LAMA2: variants seen among roughly 807,000 people sequenced by gnomAD.
LAMA2 encodes the protein laminin subunit alpha-2.
LAMA2 carries 269 observed loss-of-function variants against 364.8 expected under a neutral mutation model. That is an observed-to-expected ratio of 0.74 (90% CI 0.67 to 0.82). The LOEUF (loss-of-function observed/expected upper bound fraction) is 0.82, where lower values mean the gene tolerates loss of function less well. LAMA2 is among the 40% of genes least tolerant of loss of function. The pLI, the probability that LAMA2 is intolerant of heterozygous loss-of-function variation, is 0.00. For missense variants in LAMA2, 3,807 were observed against 3,873.2 expected (o/e 0.98, Z 0.45); for synonymous variants, 1,379 against 1,370.6 (o/e 1.01, Z -0.14).
At position 129,474,945 on chromosome 6, in the gene LAMA2, T is replaced by C. The variant is rs922461217; in HGVS notation, c.7440-445T>C. ...ACCAAACATTCATAGTTACCTGTTA[T>C]TTTGCCTGCAGACAGGTTCTCAGTA... On this transcript the variant is annotated intron_variant, in intron 52 of 64. Transcript: ENST00000421865. 3.3e-5 allele frequency among the ~76,000 whole-genome samples: 5 copies of C among 152,282 alleles called. No homozygotes were observed. The South Asian group carries it at 8.3e-4, about 25-fold the overall frequency.
At chr6:128,919,680 C>T (rs529925701) in intron 1 of LAMA2, among the ~76,000 whole-genome samples, 1 of 152,276 alleles carries the variant, frequency 6.6e-6, no homozygotes, top group South Asian at 2.1e-4. Context: ...GTTTGTTGTA[C>T]TTCAGCTAGG....
chr6:128,988,826 A>G (rs1429373189), intron 1 of LAMA2, among the ~76,000 whole-genome samples: 1 of 152,196 alleles, frequency 6.6e-6, no homozygotes, highest in Non-Finnish European at 1.5e-5. Flanking sequence ...TGTTCATTTA[A>G]ACAAGTTTGT....
At chr6:128,943,575 A>G (rs1446369803) in intron 1 of LAMA2, among the ~76,000 whole-genome samples, 2 of 152,092 alleles carry the variant, frequency 1.3e-5, no homozygotes, top group African/African-American at 2.4e-5. Flanking sequence ...TTATAGGCGT[A>G]AGCCACCTTG....
At chr6:129,246,068 T>C (rs1408190629) in intron 12 of LAMA2, among the ~76,000 whole-genome samples, 1 of 151,926 alleles carries the variant, frequency 6.6e-6, no homozygotes, top group Non-Finnish European at 1.5e-5. Flanking sequence ...AGCAATTGTT[T>C]AAAAAGAAAA....
intron 17 of LAMA2, among the ~76,000 whole-genome samples, chr6:129,271,047 C>T (rs1787896572): frequency 6.6e-6 from 1 of 152,072 alleles, no homozygotes; most frequent in Non-Finnish European, 1.5e-5. Context: ...CAAACACATA[C>T]ATGTGCATGC....
chr6:129,025,807 G>T (rs1159848317), intron 1 of LAMA2, among the ~76,000 whole-genome samples: 1 of 152,162 alleles, frequency 6.6e-6, no homozygotes, highest in Admixed American at 6.5e-5. Context: ...AATACATTAT[G>T]TAGCCACAAG....
rs1554260284 is a variant in LAMA2 at position 129,270,650 on chromosome 6, A to AT, written c.2350dup (p.Tyr784LeufsTer3). 1 of 1,613,106 alleles carries AT rather than the reference A, an allele frequency of 6.2e-7. No homozygotes were observed. Among genetic ancestry groups the AT allele is most frequent in the Non-Finnish European group, 8.5e-7 (1 of 1,179,376 alleles). ...ACTGTAAGGATCACACAGGTGGCCC[A>AT]TATTGTGATAAATGTCTTCCTGGTT... On this transcript the variant is annotated frameshift_variant, in exon 17 of 65. Transcript: ENST00000421865. LOFTEE classifies it high-confidence loss of function.
intron 10 of LAMA2, among the ~76,000 whole-genome samples, chr6:129,180,455 G>A (rs948232470): frequency 1.3e-5 from 2 of 151,808 alleles, no homozygotes; most frequent in Admixed American, 1.3e-4. Flanking sequence ...TAACATATGA[G>A]TTTTTAAATA....
At chr6:129,411,862 T>G (rs994241309) in intron 40 of LAMA2, among the ~76,000 whole-genome samples, 1 of 152,070 alleles carries the variant, frequency 6.6e-6, no homozygotes, top group East Asian at 1.9e-4. Flanking sequence ...GTAAGCATTA[T>G]GGAAAGCATA....
Position 129,291,628 on chromosome 6 carries a change from GC to G in LAMA2, c.2766del (p.Gly923ValfsTer152). ...TCTCTTTGCAGCCTGTCGCTGTAAT[GC>G]CGGTGGCTCTTTCTCTGAGGTTTGC... The part of the protein sequence containing the change: ...AKNCQPCRCN[A>X]GGSFSEVCHS... On this transcript the variant is annotated frameshift_variant, in exon 20 of 65. Transcript: ENST00000421865. LOFTEE classifies it high-confidence loss of function. 6.2e-7 allele frequency: 1 copy of G among 1,613,864 alleles called. No individual in the cohort carries two copies. The highest frequency in any genetic ancestry group is 8.5e-7 in the Non-Finnish European group (1 of 1,179,732).
chr6:129,370,094 C>A, intron 34 of LAMA2, 104 bp downstream of exon 34: 2 of 887,540 alleles, frequency 2.3e-6, no homozygotes, highest in East Asian at 2.6e-5. Context: ...TCCTAATTCC[C>A]AATTTGGTAT....
At chr6:129,099,125 G>GTTTTTTTTTTTTTTTTTTTTTTTTTTTT (rs370334822) in intron 4 of LAMA2, among the ~76,000 whole-genome samples, 2 of 129,802 alleles carry the variant, frequency 1.5e-5, no homozygotes, top group Non-Finnish European at 1.6e-5. Flanking sequence ...TTTTTTTTTT[G>GTTTTTTTTTTTTTTTTTTTTTTTTTTTT]TTTTTTTTTT....
At chr6:129,357,283 G>C (rs1759626566) in intron 32 of LAMA2, among the ~76,000 whole-genome samples, 1 of 151,966 alleles carries the variant, frequency 6.6e-6, no homozygotes, top group African/African-American at 2.4e-5. Flanking sequence ...TAACCCATGT[G>C]ATGTTTAAAA....
intron 15 of LAMA2, 147 bp from the exon 16 acceptor site, chr6:129,266,959 A>G (rs1787561231): frequency 2.7e-6 from 2 of 727,702 alleles, no homozygotes; most frequent in South Asian, 1.4e-5. Context: ...CTCTGTTGCA[A>G]TGTTTCAATA....
chr6:129,270,556 C>A (rs990714856), intron 16 of LAMA2, 68 bp from the exon 17 acceptor site: 10 of 1,538,394 alleles, frequency 6.5e-6, no homozygotes, highest in Admixed American at 1.7e-5. Context: ...ACTTCGTAGA[C>A]CTATTTTTGG....
intron 7 of LAMA2, among the ~76,000 whole-genome samples, chr6:129,149,960 G>T (rs1778698498): frequency 1.3e-5 from 2 of 152,128 alleles, no homozygotes; most frequent in African/African-American, 4.8e-5. Flanking sequence ...TTGAATCTTG[G>T]TGTTTGAGGG....
intron 16 of LAMA2, 76 bp from the exon 17 acceptor site, chr6:129,270,548 T>A: frequency 6.7e-7 from 1 of 1,490,106 alleles, no homozygotes. Flanking sequence ...GACTAATGAC[T>A]TCGTAGACCT....
intron 4 of LAMA2, among the ~76,000 whole-genome samples, chr6:129,134,426 A>G (rs1777666814): frequency 6.6e-6 from 1 of 152,194 alleles, no homozygotes; most frequent in East Asian, 1.9e-4. Context: ...TCATTTATTA[A>G]GATGTTAGTA....
At chr6:129,425,020 A>AAG (rs896225116) in intron 40 of LAMA2, among the ~76,000 whole-genome samples, 1 of 152,030 alleles carries the variant, frequency 6.6e-6, no homozygotes, top group African/African-American at 2.4e-5. Flanking sequence ...GCCAGACAAA[A>AAG]AGAGAGTACA....
Sources: allele counts gnomAD v4.1 joint callset (sites outside exome capture counted in the v4.1 genomes callset), GRCh38; gene constraint gnomAD v4.1.1; transcripts MANE v1.5; gene names NCBI Gene and HGNC (gene_info 2026-07-23, HGNC 2026-07-21).